Variants in RAPGEFL1 observed in about 807,000 individuals in gnomAD.
The protein encoded by RAPGEFL1 is rap guanine nucleotide exchange factor-like 1.
RAPGEFL1 carries 31 observed loss-of-function variants against 64.4 expected under a neutral mutation model. The observed-to-expected ratio is 0.48, with a 90% CI of 0.36 to 0.65. RAPGEFL1 has a LOEUF of 0.65. Among genes scored for constraint, RAPGEFL1 ranks in the 30% least tolerant of loss-of-function variants. The pLI, the probability that RAPGEFL1 is intolerant of heterozygous loss-of-function variation, is 0.00. For missense variants in RAPGEFL1, 682 were observed against 677.4 expected (o/e 1.01, Z -0.08); for synonymous variants, 331 against 274.1 (o/e 1.21, Z -2.05).
Position 40,177,509 on chromosome 17 carries a change from C to T in RAPGEFL1, c.-353C>T, listed in dbSNP as rs1161320900. On this transcript the variant is annotated 5_prime_UTR_variant, in exon 1 of 15. Transcript: ENST00000620260. ...ACGGCCAGGAGCGCAGCCGCCGCCG[C>T]CGCCGCCGCCGCGTCCTCTCAGCCT... 3.3e-6 allele frequency: 2 copies of T among 598,510 alleles called. No individual in the cohort carries two copies. The highest frequency in any genetic ancestry group is 5.9e-6 in the Non-Finnish European group (2 of 337,218). 37.1% of individuals were successfully genotyped at this position (598,510 alleles called of 1,614,324 possible).
rs1598448774 is a variant in RAPGEFL1 at position 40,193,947 on chromosome 17, T to C, written c.*159T>C. On this transcript the variant is annotated 3_prime_UTR_variant, in exon 15 of 15. Coordinates refer to ENST00000620260, the MANE Select transcript of RAPGEFL1 (RefSeq NM_016339.6). ...TTTACCCCTGGACCCATAAGTCTGTTCATCCTGCTGAAGTCCCCTCCCCAT... is the reference window on the plus strand; with the variant it reads ...TTTACCCCTGGACCCATAAGTCTGTCCATCCTGCTGAAGTCCCCTCCCCAT... The C allele has an allele frequency of 1.0e-6, 1 of 994,112 alleles. No homozygotes were observed. Among genetic ancestry groups the C allele is most frequent in the East Asian group, 2.7e-5 (1 of 37,544 alleles). The allele number at this position is 994,112 out of a possible 1,614,324, so 61.6% of individuals were successfully genotyped here. A position where few individuals can be genotyped will look rare whatever the true frequency, so the allele number is the denominator to read the frequency against.
At chr17:40,177,238 G>A (rs184813689), upstream of RAPGEFL1, 318 of 702,620 alleles carry the variant, frequency 4.5e-4, 5 homozygotes, top group Non-Finnish European at 5.2e-5. Flanking sequence ...TCTTTGAAAT[G>A]ATGCTGAGAC....
upstream of RAPGEFL1, chr17:40,177,239 A>G (rs1301364834): frequency 8.5e-6 from 6 of 702,602 alleles, no homozygotes; most frequent in Middle Eastern, 2.3e-4. Context: ...CTTTGAAATG[A>G]TGCTGAGACC....
intron 14 of RAPGEFL1, 107 bp downstream of exon 14, chr17:40,193,524 T>C: frequency 6.4e-7 from 1 of 1,572,456 alleles, no homozygotes; most frequent in South Asian, 1.1e-5. Context: ...ACTTGCTGGT[T>C]CCCCATTCTC....
At chr17:40,193,472 G>C in intron 14 of RAPGEFL1, 55 bp downstream of exon 14, 3 of 1,593,116 alleles carry the variant, frequency 1.9e-6, no homozygotes, top group Non-Finnish European at 2.6e-6. Context: ...TGAACGGGAG[G>C]GTTCAGGGGA....
At chr17:40,183,784 G>A (rs967672615) in intron 2 of RAPGEFL1, among the ~76,000 whole-genome samples, 43 of 148,522 alleles carry the variant, frequency 2.9e-4, no homozygotes, top group African/African-American at 9.4e-4. Flanking sequence ...GCCTTGCAAA[G>A]GGCTGGGATT....
chr17:40,188,640 G>C, intron 4 of RAPGEFL1: 1 of 561,054 alleles, frequency 1.8e-6, no homozygotes, highest in South Asian at 2.0e-5. Flanking sequence ...TGGTGGGTGG[G>C]GTGGATCAGA....
intron 1 of RAPGEFL1, among the ~76,000 whole-genome samples, chr17:40,178,751 C>T (rs924856161): frequency 6.6e-6 from 1 of 152,238 alleles, no homozygotes; most frequent in African/African-American, 2.4e-5. Flanking sequence ...CCCAGCGCAG[C>T]CATGCCACCC....
In RAPGEFL1 at chr17:40,191,783, G is replaced by A. The variant is rs1475960486; in HGVS notation, c.1605+111G>A. 1 of 1,100,868 alleles carries A rather than the reference G, an allele frequency of 9.1e-7. No homozygotes were observed. Among genetic ancestry groups the A allele is most frequent in the Non-Finnish European group, 1.3e-6 (1 of 747,154 alleles). The allele number at this position is 1,100,868 out of a possible 1,614,324, so 68.2% of individuals were successfully genotyped here. A position where few individuals can be genotyped will look rare whatever the true frequency, so the allele number is the denominator to read the frequency against. ...GGAGGGAGTCTTTGCGCCAGTTGGA[G>A]GGAGGCGCCCTCTTCTGGCATACGC... On this transcript the variant is annotated intron_variant, in intron 10 of 14. Transcript: ENST00000620260. This position sits in a 1 kb window ranked among gnomAD's most constrained non-coding sequence, Gnocchi z 5.1.
In RAPGEFL1 at chr17:40,178,292, C is replaced by T. The variant is rs1362055587; in HGVS notation, c.431C>T (p.Pro144Leu). 1.6e-6 allele frequency: 1 copy of T among 642,316 alleles called. No homozygotes were observed. Among genetic ancestry groups the T allele is most frequent in the Non-Finnish European group, 2.8e-6 (1 of 353,530 alleles). The allele number at this position is 642,316 out of a possible 1,614,324, so 39.8% of individuals were successfully genotyped here. Residue 144 changes from proline (P) to leucine (L), a missense_variant, in exon 1 of 15, where the codon CCT becomes CTT. Physicochemically the swap from Pro to Leu is moderately conservative, Grantham distance 98. Transcript: ENST00000620260. ...GEPLTSPPWA[P>L]LGAPERPEHL... ...CCCTTGACTTCGCCGCCCTGGGCCCCTCTGGGCGCCCCCGAGCGGCCCGAG... is the reference window on the plus strand; with the variant it reads ...CCCTTGACTTCGCCGCCCTGGGCCCTTCTGGGCGCCCCCGAGCGGCCCGAG...
Position 40,188,925 on chromosome 17 carries a change from G to A in RAPGEFL1, c.893G>A (p.Arg298His), listed in dbSNP as rs201840461. 27 of 1,614,034 alleles carry A rather than the reference G, an allele frequency of 1.7e-5. No homozygotes were observed. The highest frequency in any genetic ancestry group is 3.3e-5 in the Admixed American group (2 of 59,998). The change falls in exon 5 of 15, where the codon CGC becomes CAC. Residue 298 changes from arginine (R) to histidine (H), a missense_variant. Arg to His is a conservative substitution (Grantham distance 29). Around this residue, in one of 2 missense-constraint regions of RAPGEFL1, gnomAD observed 411 missense variants for 519.4 expected, o/e 0.79. Transcript: ENST00000620260. ...GTGAAGCCACTCTTCCGCCACTTCC[G>A]CCGGATAGACTCCTGTCTGCAGACC... ...KQVKPLFRHF[R>H]RIDSCLQTRV...
intron 12 of RAPGEFL1, 104 bp downstream of exon 12, chr17:40,192,797 A>C (rs1207965959): frequency 7.3e-7 from 1 of 1,365,816 alleles, no homozygotes; most frequent in Non-Finnish European, 1.0e-6. Context: ...CTGAGTACCC[A>C]CCTGGAGAGG....
Position 40,193,954 on chromosome 17 carries a change from GCTGAAGTCCCCTCCC to G in RAPGEFL1, c.*168_*182del. The stretch of plus-strand genomic sequence containing the variant: ...CTGGACCCATAAGTCTGTTCATCCT[GCTGAAGTCCCCTCCC>G]CATTGCTCCTTCAAGCCAAAACTAC... On this transcript the variant is annotated 3_prime_UTR_variant, in exon 15 of 15. Coordinates refer to ENST00000620260, the MANE Select transcript of RAPGEFL1 (RefSeq NM_016339.6). 2 of 909,038 alleles carry G rather than the reference GCTGAAGTCCCCTCCC, an allele frequency of 2.2e-6. No individual in the cohort carries two copies. The highest frequency in any genetic ancestry group is 2.6e-4 in the Middle Eastern group (1 of 3,840). 56.3% of individuals were successfully genotyped at this position (909,038 alleles called of 1,614,324 possible).
intron 6 of RAPGEFL1, 123 bp downstream of exon 6, chr17:40,189,498 G>A (rs1990188653): frequency 1.8e-6 from 2 of 1,122,406 alleles, no homozygotes; most frequent in African/African-American, 1.6e-5. Context: ...CCCGGGACAA[G>A]CCTCATGTGC....
intron 2 of RAPGEFL1, 123 bp from the exon 3 acceptor site, chr17:40,184,091 G>T: frequency 1.3e-6 from 1 of 775,492 alleles, no homozygotes; most frequent in South Asian, 1.5e-5. Context: ...TGATCCGCCC[G>T]CCTCAGCTTC....
Position 40,191,470 on chromosome 17 carries a change from A to G in RAPGEFL1, c.1490A>G (p.Lys497Arg). ...EAPGKRAQLLKKFIKIAALCK... is the reference protein window; with the variant it reads ...EAPGKRAQLLRKFIKIAALCK... ...CCGGGCAAGCGCGCGCAGCTGCTCA[A>G]GAAGTTCATCAAGATCGCGGCCCTG... The change falls in exon 9 of 15, where the codon AAG becomes AGG. Residue 497 changes from lysine to arginine, a missense_variant. Physicochemically the swap from Lys to Arg is conservative, Grantham distance 26. Transcript: ENST00000620260. This position sits in a 1 kb window ranked among gnomAD's most constrained non-coding sequence, Gnocchi z 5.1. 1 of 1,607,186 alleles carries G rather than the reference A, an allele frequency of 6.2e-7. No individual in the cohort carries two copies. Among genetic ancestry groups the G allele is most frequent in the African/African-American group, 1.3e-5 (1 of 74,694 alleles).
upstream of RAPGEFL1, chr17:40,177,030 A>G: frequency 1.4e-6 from 1 of 701,350 alleles, no homozygotes; most frequent in Non-Finnish European, 2.6e-6. Flanking sequence ...ACCAGAGAGG[A>G]CAGATGGGCA....
In RAPGEFL1 at chr17:40,191,642, C is replaced by A; in HGVS notation, c.1575C>A (p.Ala525=). 1 of 1,613,036 alleles carries A rather than the reference C, an allele frequency of 6.2e-7. No individual in the cohort carries two copies. Among genetic ancestry groups the A allele is most frequent in the South Asian group, 1.1e-5 (1 of 90,694 alleles). The change falls in exon 10 of 15, where the codon GCC becomes GCA. Residue 525 remains alanine (A), a synonymous_variant. Transcript: ENST00000620260. The surrounding 1 kb of genome is among the most constrained non-coding windows in gnomAD (Gnocchi z 5.1). ...CCGTGGTCATGGGGCTGGACAACGC[C>A]GCTGTCAGCCGCCTTCGACTCACCT... is the stretch of plus-strand genomic sequence containing the variant. ...FYAVVMGLDN[A]AVSRLRLTWE...
intron 11 of RAPGEFL1, among the ~76,000 whole-genome samples, 167 bp from the exon 12 acceptor site, chr17:40,192,435 TGAAG>T (rs1389137937): frequency 6.6e-6 from 1 of 151,900 alleles, no homozygotes; most frequent in Non-Finnish European, 1.5e-5. Context: ...CTGTTTTTCT[TGAAG>T]GAAAGGGGGA....
Sources: gnomAD v4.1 joint callset for allele counts (sites outside exome capture counted in the v4.1 genomes callset) on GRCh38, gnomAD v4.1.1 for gene constraint, gnomAD v4.1.1 regional missense constraint, Gnocchi (gnomAD v3.1) non-coding constraint, MANE v1.5 for transcripts, NCBI Gene and HGNC (gene_info 2026-07-23, HGNC 2026-07-21) for gene names.